DEPDC5: variants seen among roughly 807,000 people sequenced by gnomAD.
The protein encoded by DEPDC5 is DEP domain containing 5, GATOR1 subcomplex subunit.
In DEPDC5, 73 loss-of-function variants were observed where a neutral mutation model predicts 217.3. That is an observed-to-expected ratio of 0.34 (90% CI 0.28 to 0.41). The LOEUF is 0.41. Ranked by LOEUF, DEPDC5 falls within the 10% of genes least tolerant of loss-of-function variation. The pLI is 1.00. For synonymous variants in DEPDC5, 733 were observed against 756.7 expected, an observed-to-expected ratio of 0.97 and a Z score of 0.51; for missense variants, 1,675 against 2,070.1, an observed-to-expected ratio of 0.81 and a Z score of 3.70.
chr22:31,823,750 T>C (rs1206089812), intron 24 of DEPDC5, among the ~76,000 whole-genome samples: 1 of 152,126 alleles, frequency 6.6e-6, no homozygotes, highest in Non-Finnish European at 1.5e-5. Context: ...ATTTAAGTTA[T>C]TAAATATATT....
intron 33 of DEPDC5, among the ~76,000 whole-genome samples, chr22:31,861,810 G>A (rs16989574): frequency 0.011 from 1,629 of 152,204 alleles, 25 homozygotes; most frequent in African/African-American, 0.038. Context: ...AATACAACCA[G>A]ATAAATTTAT....
At chr22:31,873,075 A>G in intron 34 of DEPDC5, 180 bp from the exon 35 acceptor site, 8 of 1,266,886 alleles carry the variant, frequency 6.3e-6, no homozygotes, top group Non-Finnish European at 8.4e-6. Flanking sequence ...ATATTTTAAA[A>G]TAGGAAACCC....
At position 31,833,913 on chromosome 22, in the gene DEPDC5, A is replaced by T. The variant is rs1377370141; in HGVS notation, c.2105-2A>T. The stretch of plus-strand genomic sequence containing the variant: ...AGACAAGCTGTTTTTATCTTTCCAT[A>T]GGTATGAATCCTAGGACCCAGAATA... On this transcript the variant is annotated splice_acceptor_variant, in intron 24 of 42. Transcript: ENST00000651528. LOFTEE classifies it high-confidence loss of function. The T allele has an allele frequency of 3.2e-6, 5 of 1,560,326 alleles. No individual in the cohort carries two copies. The highest frequency in any genetic ancestry group is 4.3e-6 in the Non-Finnish European group (5 of 1,149,424).
At chr22:31,842,192 C>T (rs2091435586) in intron 27 of DEPDC5, among the ~76,000 whole-genome samples, 1 of 152,178 alleles carries the variant, frequency 6.6e-6, no homozygotes, top group Admixed American at 6.5e-5. Flanking sequence ...GCTGATGGGG[C>T]CTGATGGCTT....
chr22:31,838,148 G>C (rs1161642011), intron 26 of DEPDC5, among the ~76,000 whole-genome samples: 1 of 151,878 alleles, frequency 6.6e-6, no homozygotes, highest in Non-Finnish European at 1.5e-5. Context: ...AATTATTTTG[G>C]GCACACTAAA....
At chr22:31,847,221 A>G (rs957610714) in intron 31 of DEPDC5, among the ~76,000 whole-genome samples, 5 of 152,212 alleles carry the variant, frequency 3.3e-5, no homozygotes, top group African/African-American at 1.2e-4. Flanking sequence ...AAGTATTTCA[A>G]CATATTTGAG....
At chr22:31,874,475 C>CCAT (rs2092937155) in intron 36 of DEPDC5, 70 bp downstream of exon 36, 1 of 1,506,622 alleles carries the variant, frequency 6.6e-7, no homozygotes, top group Non-Finnish European at 8.9e-7. Flanking sequence ...GCCTTAGAAG[C>CCAT]CATCACCCTT....
At chr22:31,819,249 G>GC (rs1341388837) in intron 22 of DEPDC5, 24 bp downstream of exon 22, 4 of 1,613,196 alleles carry the variant, frequency 2.5e-6, no homozygotes, top group Non-Finnish European at 3.4e-6. Context: ...TTAAGAGAGA[G>GC]CCTTGGACTA....
intron 3 of DEPDC5, among the ~76,000 whole-genome samples, chr22:31,760,011 A>T (rs1360141753): frequency 1.3e-5 from 2 of 150,668 alleles, no homozygotes; most frequent in Non-Finnish European, 2.9e-5. Flanking sequence ...TGAGATGACA[A>T]CTGAAAGGTT....
intron 6 of DEPDC5, 110 bp from the exon 7 acceptor site, chr22:31,768,704 A>G (rs1016417394): frequency 1.1e-6 from 1 of 909,566 alleles, no homozygotes; most frequent in African/African-American, 1.7e-5. Flanking sequence ...GAAAGCTAGG[A>G]GTTCTTGTTT....
intron 10 of DEPDC5, among the ~76,000 whole-genome samples, chr22:31,785,931 A>G (rs1440381996): frequency 6.6e-6 from 1 of 152,170 alleles, no homozygotes; most frequent in Admixed American, 6.6e-5. Context: ...ACCTCAAATC[A>G]TATATGAAAT....
intron 31 of DEPDC5, among the ~76,000 whole-genome samples, chr22:31,847,649 T>C (rs1012419517): frequency 3.3e-5 from 5 of 152,148 alleles, no homozygotes; most frequent in African/African-American, 1.2e-4. Context: ...ACTGCCCCCA[T>C]GATTAATTTA....
intron 20 of DEPDC5, chr22:31,814,399 T>C (rs1299021077): frequency 6.5e-6 from 1 of 153,232 alleles, no homozygotes; most frequent in Admixed American, 6.5e-5. Context: ...TTGAATTGCC[T>C]CAAAAATGTG....
chr22:31,852,444 G>A (rs1201928142), intron 31 of DEPDC5, among the ~76,000 whole-genome samples: 2 of 150,194 alleles, frequency 1.3e-5, no homozygotes, highest in Non-Finnish European at 2.9e-5. Context: ...GGGTTCAAGT[G>A]ATTCTCCTGC....
intron 24 of DEPDC5, among the ~76,000 whole-genome samples, chr22:31,827,480 G>A (rs1404507285): frequency 6.6e-6 from 1 of 152,120 alleles, no homozygotes; most frequent in African/African-American, 2.4e-5. Flanking sequence ...ATGCAGTAGC[G>A]AGTTACCTGG....
At chr22:31,791,951 A>G in intron 10 of DEPDC5, 82 bp from the exon 11 acceptor site, 2 of 533,958 alleles carry the variant, frequency 3.7e-6, no homozygotes, top group Non-Finnish European at 2.9e-6. Flanking sequence ...AAAAAAAAAA[A>G]GAATATTATA....
intron 10 of DEPDC5, among the ~76,000 whole-genome samples, chr22:31,789,227 C>T (rs1417164549): frequency 6.6e-6 from 1 of 152,206 alleles, no homozygotes; most frequent in Non-Finnish European, 1.5e-5. Context: ...AGTAGGATAA[C>T]ACAAATAACA....
At chr22:31,838,988 G>A in intron 27 of DEPDC5, 143 bp downstream of exon 27, 1 of 880,216 alleles carries the variant, frequency 1.1e-6, no homozygotes, top group East Asian at 2.7e-5. Flanking sequence ...ACTTAAGTGA[G>A]GAATAAAGTC....
intron 10 of DEPDC5, 114 bp from the exon 11 acceptor site, chr22:31,791,919 C>A: frequency 2.1e-6 from 1 of 482,414 alleles, no homozygotes; most frequent in South Asian, 3.0e-5. Flanking sequence ...GAGTAAGACT[C>A]CGTCTCAAAA....
Sources: allele counts gnomAD v4.1 joint callset (sites outside exome capture counted in the v4.1 genomes callset), GRCh38; gene constraint gnomAD v4.1.1; transcripts MANE v1.5; gene names NCBI Gene and HGNC (gene_info 2026-07-23, HGNC 2026-07-21).